Variants in ARHGEF28 observed in about 807,000 individuals in gnomAD.
ARHGEF28 encodes Rho guanine nucleotide exchange factor 28.
In ARHGEF28, 152 loss-of-function variants were observed where a neutral mutation model predicts 206.6. The ratio of observed to expected loss-of-function variants is 0.74; its 90% CI spans 0.64 to 0.84. The LOEUF (loss-of-function observed/expected upper bound fraction) is 0.84, where lower values mean the gene tolerates loss of function less well. ARHGEF28 is among the 40% of genes least tolerant of loss of function. The pLI, the probability that ARHGEF28 is intolerant of heterozygous loss-of-function variation, is 0.00. For synonymous variants in ARHGEF28, 763 were observed against 776.4 expected (o/e 0.98, Z 0.29); for missense variants, 2,028 against 2,073.2 (o/e 0.98, Z 0.42).
At chr5:73,745,731 G>A (rs1216642275) in intron 2 of ARHGEF28, among the ~76,000 whole-genome samples, 1 of 152,000 alleles carries the variant, frequency 6.6e-6, no homozygotes, top group East Asian at 1.9e-4. Context: ...GGGCATGATT[G>A]GGTAAGAGGT....
intron 4 of ARHGEF28, among the ~76,000 whole-genome samples, chr5:73,772,240 C>T (rs1228510435): frequency 6.6e-6 from 1 of 152,182 alleles, no homozygotes. Flanking sequence ...ATCATTACCA[C>T]AGCCTGCAGG....
intron 1 of ARHGEF28, among the ~76,000 whole-genome samples, chr5:73,629,345 C>G (rs971001092): frequency 6.6e-6 from 1 of 151,748 alleles, no homozygotes; most frequent in Non-Finnish European, 1.5e-5. Flanking sequence ...AAAAAAAATA[C>G]AAAAACTAGC....
intron 2 of ARHGEF28, among the ~76,000 whole-genome samples, chr5:73,689,690 A>G (rs1160523005): frequency 6.6e-6 from 1 of 152,166 alleles, no homozygotes; most frequent in African/African-American, 2.4e-5. Flanking sequence ...TTTAGTCTCT[A>G]AGCAGCTTCC....
At chr5:73,931,332 G>A (rs7700718) in intron 35 of ARHGEF28, among the ~76,000 whole-genome samples, 4,462 of 152,088 alleles carry the variant, frequency 0.029, 225 homozygotes, top group African/African-American at 0.1. Context: ...GAGGTCTTTC[G>A]TTAAAGTCAT....
At chr5:73,651,769 G>A (rs889411623) in intron 1 of ARHGEF28, among the ~76,000 whole-genome samples, 1 of 151,966 alleles carries the variant, frequency 6.6e-6, no homozygotes. Context: ...GGACTTTTAG[G>A]CTATTTCCAA....
chr5:73,927,431 T>C lies in ARHGEF28; in HGVS notation c.4949-13413T>C, dbSNP rs1402474410. 6.6e-5 allele frequency among the ~76,000 whole-genome samples: 10 copies of C among 152,188 alleles called. 1 individual carries two copies. Among genetic ancestry groups the C allele is most frequent in the South Asian group, 2.1e-4 (1 of 4,834 alleles). ...GTCAGATGTTGTCAGGAAGCACAGA[T>C]ATCAAAAGCTAGATTATTGCTATAT... On this transcript the variant is annotated intron_variant, in intron 35 of 35. Coordinates refer to ENST00000513042, the MANE Select transcript of ARHGEF28 (RefSeq NM_001177693.2).
intron 3 of ARHGEF28, 69 bp from the exon 4 acceptor site, chr5:73,752,840 G>A: frequency 6.4e-7 from 1 of 1,553,630 alleles, no homozygotes; most frequent in East Asian, 2.3e-5. Context: ...GGTGGGGCTA[G>A]CACATTGGAC....
At chr5:73,695,341 A>G (rs983082339) in intron 2 of ARHGEF28, among the ~76,000 whole-genome samples, 5 of 151,652 alleles carry the variant, frequency 3.3e-5, no homozygotes, top group Non-Finnish European at 5.9e-5. Context: ...GGTGTTCCCC[A>G]GGGCCCTCTG....
At chr5:73,683,899 T>C (rs1253134730) in intron 1 of ARHGEF28, among the ~76,000 whole-genome samples, 1 of 152,168 alleles carries the variant, frequency 6.6e-6, no homozygotes, top group Non-Finnish European at 1.5e-5. Flanking sequence ...ATATTTTTAT[T>C]TTAGGAGCAG....
At chr5:73,696,585 T>G (rs1374660857) in intron 2 of ARHGEF28, among the ~76,000 whole-genome samples, 1 of 152,210 alleles carries the variant, frequency 6.6e-6, no homozygotes, top group East Asian at 1.9e-4. Context: ...GACTCAAACA[T>G]TCAATTAAAA....
rs553928008 is a variant in ARHGEF28 at position 73,794,488 on chromosome 5, G to A, written c.963+34G>A. On this transcript the variant is annotated intron_variant, in intron 8 of 35. Coordinates refer to ENST00000513042, the MANE Select transcript of ARHGEF28 (RefSeq NM_001177693.2). Reference sequence around the variant, plus strand: ...TGACTCCCTGCTTCTTTCTTTGCACGTCTTTCCATAAAGTAGAAATGAAGA... The same window carrying A: ...TGACTCCCTGCTTCTTTCTTTGCACATCTTTCCATAAAGTAGAAATGAAGA... The A allele has an allele frequency of 1.1e-4, 162 of 1,510,600 alleles. No homozygotes were observed. The Middle Eastern group carries it at 5.4e-3, about 51-fold the overall frequency. 93.6% of individuals were successfully genotyped at this position (1,510,600 alleles called of 1,614,324 possible).
intron 26 of ARHGEF28, among the ~76,000 whole-genome samples, chr5:73,891,586 C>T (rs909667134): frequency 6.6e-6 from 1 of 151,584 alleles, no homozygotes; most frequent in Admixed American, 6.6e-5. Flanking sequence ...GTTGCCCAGG[C>T]TGGAGTGCGC....
At chr5:73,639,228 C>CAT (rs112312521) in intron 1 of ARHGEF28, among the ~76,000 whole-genome samples, 26,699 of 144,968 alleles carry the variant, frequency 0.18, 2,850 homozygotes, top group Non-Finnish European at 0.25. Flanking sequence ...TTTTCTATTA[C>CAT]ATATATATAT....
intron 1 of ARHGEF28, among the ~76,000 whole-genome samples, chr5:73,673,385 G>T (rs1246650075): frequency 6.6e-6 from 1 of 152,186 alleles, no homozygotes; most frequent in African/African-American, 2.4e-5. Context: ...TTGTTGCTCT[G>T]TCCTTTGAAT....
intron 9 of ARHGEF28, among the ~76,000 whole-genome samples, chr5:73,796,385 A>G (rs537765578): frequency 2.0e-5 from 3 of 152,344 alleles, no homozygotes; most frequent in African/African-American, 7.2e-5. Flanking sequence ...GCTCAAGCTG[A>G]TGTGAAATCA....
At chr5:73,779,914 C>T (rs969130123) in intron 6 of ARHGEF28, among the ~76,000 whole-genome samples, 2 of 152,170 alleles carry the variant, frequency 1.3e-5, no homozygotes, top group Non-Finnish European at 2.9e-5. Context: ...GAATGAAGCA[C>T]CCAATCCACG....
At chr5:73,681,973 A>G (rs1209739446) in intron 1 of ARHGEF28, among the ~76,000 whole-genome samples, 1 of 152,088 alleles carries the variant, frequency 6.6e-6, no homozygotes, top group Non-Finnish European at 1.5e-5. Context: ...CATCTTAACC[A>G]TGTGGGAGGC....
chr5:73,753,197 T>G lies in ARHGEF28; in HGVS notation c.470T>G (p.Leu157Arg). 1 of 1,519,460 alleles carries G rather than the reference T, an allele frequency of 6.6e-7. No homozygotes were observed. The highest frequency in any genetic ancestry group is 8.8e-7 in the Non-Finnish European group (1 of 1,135,840). The allele number at this position is 1,519,460 out of a possible 1,614,324, so 94.1% of individuals were successfully genotyped here. The change falls in exon 4 of 36, where the codon CTT (leucine) becomes CGT (arginine). Residue 157 changes from leucine to arginine, a missense_variant. Coordinates refer to ENST00000513042, the MANE Select transcript of ARHGEF28 (RefSeq NM_001177693.2). ...LEWTVLGSSS[L>R]EVSSHRESLL... ...TGGACTGTGTTGGGAAGTTCTTCACTTGAAGGTGGGTCATCACCAGAAAAT... is the reference window on the plus strand; with the variant it reads ...TGGACTGTGTTGGGAAGTTCTTCACGTGAAGGTGGGTCATCACCAGAAAAT...
At chr5:73,823,266 C>T (rs1298708786) in intron 9 of ARHGEF28, among the ~76,000 whole-genome samples, 5 of 152,254 alleles carry the variant, frequency 3.3e-5, no homozygotes, top group Non-Finnish European at 5.9e-5. Flanking sequence ...TTGGGTAAAA[C>T]GTTTCCAGTT....
Sources: gnomAD v4.1 joint callset for allele counts (sites outside exome capture counted in the v4.1 genomes callset) on GRCh38, gnomAD v4.1.1 for gene constraint, MANE v1.5 for transcripts, NCBI Gene and HGNC (gene_info 2026-07-23, HGNC 2026-07-21) for gene names.